Variants in PLCXD3 observed in about 807,000 individuals in gnomAD.
The protein encoded by PLCXD3 is phosphatidylinositol specific phospholipase C X domain containing 3.
A neutral mutation model predicts 25.5 loss-of-function variants in PLCXD3; 19 were observed. That is an observed-to-expected ratio of 0.75 (90% CI 0.52 to 1.09). PLCXD3 has a LOEUF of 1.09. Among genes scored for constraint, PLCXD3 ranks in the 50% least tolerant of loss-of-function variants. The pLI, the probability that PLCXD3 is intolerant of heterozygous loss-of-function variation, is 0.00. For missense variants in PLCXD3, 411 were observed against 388.1 expected, an observed-to-expected ratio of 1.06 and a Z score of -0.50; for synonymous variants, 174 against 137.6, an observed-to-expected ratio of 1.26 and a Z score of -1.85.
At chr5:41,449,117 T>C (rs1747570970) in intron 1 of PLCXD3, among the ~76,000 whole-genome samples, 1 of 152,220 alleles carries the variant, frequency 6.6e-6, no homozygotes, top group South Asian at 2.1e-4. Flanking sequence ...CATTTACTCC[T>C]TGGCATTTCT....
chr5:41,408,976 T>C (rs1268418879), intron 1 of PLCXD3, among the ~76,000 whole-genome samples: 1 of 152,190 alleles, frequency 6.6e-6, no homozygotes, highest in Non-Finnish European at 1.5e-5. Context: ...TTGGCTATTT[T>C]AGCAGAACAC....
intron 1 of PLCXD3, among the ~76,000 whole-genome samples, chr5:41,384,597 G>A (rs1399779518): frequency 6.6e-6 from 1 of 152,010 alleles, no homozygotes; most frequent in Non-Finnish European, 1.5e-5. Context: ...AGTATAACTA[G>A]ATTTCTTTTA....
At chr5:41,331,378 C>T (rs1026352889) in intron 2 of PLCXD3, among the ~76,000 whole-genome samples, 2 of 152,138 alleles carry the variant, frequency 1.3e-5, no homozygotes, top group African/African-American at 4.8e-5. Context: ...AGGAATCCAA[C>T]TTACAAGGGA....
At chr5:41,474,790 C>T (rs1018707596) in intron 1 of PLCXD3, among the ~76,000 whole-genome samples, 1 of 152,154 alleles carries the variant, frequency 6.6e-6, no homozygotes, top group African/African-American at 2.4e-5. Flanking sequence ...TACAGTAATT[C>T]CCTGTAAATT....
Position 41,312,153 on chromosome 5 carries a change from G to A in PLCXD3, c.*1464C>T, listed in dbSNP as rs987932029. ...ACAATGACACGAAGGAGGAAGTAAC[G>A]CTCAAGCTGTGTCATTGTTCTTCCC... On this transcript the variant is annotated 3_prime_UTR_variant, in exon 3 of 3. Transcript: ENST00000377801. The A allele has an allele frequency of 3.3e-5, 5 of 151,932 alleles. No homozygotes were observed. The highest frequency in any genetic ancestry group is 2.6e-4 in the Admixed American group (4 of 15,196). 9.4% of individuals were successfully genotyped at this position (151,932 alleles called of 1,614,324 possible).
intron 2 of PLCXD3, among the ~76,000 whole-genome samples, chr5:41,326,117 C>T (rs11739553): frequency 0.3 from 45,514 of 151,998 alleles, 8,510 homozygotes; most frequent in African/African-American, 0.53. Context: ...ATTTGGATCA[C>T]AGCAAAGAAA....
chr5:41,342,271 C>A (rs1744172883), intron 2 of PLCXD3, among the ~76,000 whole-genome samples: 1 of 152,172 alleles, frequency 6.6e-6, no homozygotes, highest in Non-Finnish European at 1.5e-5. Context: ...GCCTGCCAGG[C>A]ACTGTGTTAG....
At chr5:41,342,819 A>G (rs1028160140) in intron 2 of PLCXD3, among the ~76,000 whole-genome samples, 1 of 152,176 alleles carries the variant, frequency 6.6e-6, no homozygotes, top group South Asian at 2.1e-4. Flanking sequence ...ATACTTAGCT[A>G]TTTTAATAAG....
At chr5:41,330,180 G>C (rs990344922) in intron 2 of PLCXD3, among the ~76,000 whole-genome samples, 1 of 151,750 alleles carries the variant, frequency 6.6e-6, no homozygotes, top group Non-Finnish European at 1.5e-5. Flanking sequence ...TTATAAAAAT[G>C]TCAATGATAG....
At chr5:41,465,630 G>A (rs1036719412) in intron 1 of PLCXD3, among the ~76,000 whole-genome samples, 2 of 151,802 alleles carry the variant, frequency 1.3e-5, no homozygotes, top group African/African-American at 4.8e-5. Context: ...GTTGAGTAGT[G>A]AAGTGACTCA....
rs1341360297 is a variant in PLCXD3, at chr5:41,307,445, T to G, written c.*6172A>C. ...ACATGGTTCTATTTTCTGCATTGTT[T>G]TAGAAACCAGCCTTTGATCTCACTG... On this transcript the variant is annotated 3_prime_UTR_variant, in exon 3 of 3. Coordinates refer to ENST00000377801, the MANE Select transcript of PLCXD3 (RefSeq NM_001005473.3). 6.6e-6 allele frequency: 1 copy of G among 152,564 alleles called. No homozygotes were observed. Among genetic ancestry groups the G allele is most frequent in the African/African-American group, 2.4e-5 (1 of 41,456 alleles). 9.5% of individuals were successfully genotyped at this position (152,564 alleles called of 1,614,324 possible). A position where few individuals can be genotyped will look rare whatever the true frequency, so the allele number is the denominator to read the frequency against.
intron 1 of PLCXD3, among the ~76,000 whole-genome samples, chr5:41,510,188 A>G (rs1171304851): frequency 6.6e-6 from 1 of 152,176 alleles, no homozygotes. Context: ...ACCTGCTTCA[A>G]AAGCCCAGGA....
chr5:41,357,631 C>G (rs1451743809), intron 2 of PLCXD3, among the ~76,000 whole-genome samples: 1 of 152,162 alleles, frequency 6.6e-6, no homozygotes, highest in Non-Finnish European at 1.5e-5. Flanking sequence ...ACACTGGGAT[C>G]CAGGCCCACT....
intron 2 of PLCXD3, among the ~76,000 whole-genome samples, chr5:41,338,329 T>C (rs184085967): frequency 1.3e-5 from 2 of 152,278 alleles, no homozygotes; most frequent in East Asian, 3.9e-4. Context: ...GAGACCATTA[T>C]CATATTAAGA....
chr5:41,423,163 A>G (rs183723267), intron 1 of PLCXD3, among the ~76,000 whole-genome samples: 1 of 152,080 alleles, frequency 6.6e-6, no homozygotes, highest in Non-Finnish European at 1.5e-5. Flanking sequence ...CAGAAGCCCT[A>G]TCTGACTTTG....
intron 1 of PLCXD3, among the ~76,000 whole-genome samples, 162 bp from the exon 2 acceptor site, chr5:41,382,696 T>A (rs919757224): frequency 1.2e-4 from 18 of 152,084 alleles, no homozygotes; most frequent in African/African-American, 3.9e-4. Flanking sequence ...GTCCTTTATA[T>A]AAATTGACAT....
rs541671066 is a variant in PLCXD3 at position 41,329,444 on chromosome 5, G to C, written c.813-15674C>G. 2.0e-5 allele frequency among the ~76,000 whole-genome samples: 3 copies of C among 152,226 alleles called. No homozygotes were observed. The South Asian group carries it at 6.2e-4, about 32-fold the overall frequency. On this transcript the variant is annotated intron_variant, in intron 2 of 2. Coordinates refer to ENST00000377801, the MANE Select transcript of PLCXD3 (RefSeq NM_001005473.3). ...AAATATTTGCTGAATAAATGAACAGGCTTTTTGTTTAGAAACAAAGTTTAC... is the reference window on the plus strand; with the variant it reads ...AAATATTTGCTGAATAAATGAACAGCCTTTTTGTTTAGAAACAAAGTTTAC...
chr5:41,485,654 G>T (rs894453598), intron 1 of PLCXD3, among the ~76,000 whole-genome samples: 2 of 152,142 alleles, frequency 1.3e-5, no homozygotes, highest in African/African-American at 4.8e-5. Context: ...GCACCATGCT[G>T]CAGATAGGCT....
In PLCXD3 at chr5:41,458,110, G is replaced by A. The variant is rs192753272; in HGVS notation, c.103+52314C>T. The stretch of plus-strand genomic sequence containing the variant: ...TACTGGAACAGTGTTTAACCTGCAT[G>A]TGTTTTCCCTACTCCCTCATCCCAC... On this transcript the variant is annotated intron_variant, in intron 1 of 2. Transcript: ENST00000377801. Among the ~76,000 whole-genome samples, 318 of 151,922 alleles carry A rather than the reference G, an allele frequency of 2.1e-3. 1 individual carries two copies. Among genetic ancestry groups the A allele is most frequent in the African/African-American group, 7.1e-3 (295 of 41,478 alleles).
Sources: gnomAD v4.1 joint callset for allele counts (sites outside exome capture counted in the v4.1 genomes callset) on GRCh38, gnomAD v4.1.1 for gene constraint, MANE v1.5 for transcripts, NCBI Gene and HGNC (gene_info 2026-07-23, HGNC 2026-07-21) for gene names.